The following CCDC192 variants were observed in gnomAD, a reference collection of about 807,000 sequenced individuals.
The protein encoded by CCDC192 is coiled-coil domain containing 192, also known as coiled-coil domain-containing protein 192.
chr5:127,729,688 A>G (rs1437172341), intron 2 of CCDC192, among the ~76,000 whole-genome samples: 1 of 152,196 alleles, frequency 6.6e-6, no homozygotes, highest in Non-Finnish European at 1.5e-5. Context: ...CCACAGCACA[A>G]TCAAATTAGA....
At chr5:127,850,187 C>T (rs957795678) in intron 5 of CCDC192, among the ~76,000 whole-genome samples, 12 of 151,924 alleles carry the variant, frequency 7.9e-5, no homozygotes, top group African/African-American at 2.7e-4. Context: ...TGTAGAGCCA[C>T]CAGGAACATC....
chr5:127,931,166 G>C (rs1348213539), intron 6 of CCDC192, among the ~76,000 whole-genome samples: 5 of 152,058 alleles, frequency 3.3e-5, no homozygotes, highest in Non-Finnish European at 7.4e-5. Context: ...CCAACCCAAA[G>C]TCCAATCTCT....
chr5:127,738,259 C>G (rs1332329174), intron 2 of CCDC192, among the ~76,000 whole-genome samples: 1 of 144,996 alleles, frequency 6.9e-6, no homozygotes, highest in African/African-American at 2.6e-5. Flanking sequence ...AATATTGGCC[C>G]CCACTCTCTT....
intron 6 of CCDC192, among the ~76,000 whole-genome samples, chr5:127,887,966 G>A (rs915413617): frequency 2.0e-5 from 3 of 151,966 alleles, no homozygotes; most frequent in East Asian, 1.9e-4. Context: ...GCCTCCCAAA[G>A]TGCTGGGATT....
intron 3 of CCDC192, among the ~76,000 whole-genome samples, chr5:127,770,589 T>G (rs970968522): frequency 1.4e-4 from 22 of 152,200 alleles, no homozygotes; most frequent in African/African-American, 5.3e-4. Flanking sequence ...GATTGTCCTG[T>G]TTTTCTGTAT....
At chr5:127,894,018 GC>G (rs1752801382) in intron 6 of CCDC192, among the ~76,000 whole-genome samples, 1 of 145,442 alleles carries the variant, frequency 6.9e-6, no homozygotes, top group Non-Finnish European at 1.5e-5. Context: ...AATTGCTTAA[GC>G]CTTTGCGGTT....
At chr5:127,918,988 T>C (rs1194898187) in intron 6 of CCDC192, among the ~76,000 whole-genome samples, 1 of 151,542 alleles carries the variant, frequency 6.6e-6, no homozygotes, top group Non-Finnish European at 1.5e-5. Context: ...TGTGTGTGCA[T>C]GTTTGTATAT....
intron 3 of CCDC192, among the ~76,000 whole-genome samples, chr5:127,769,897 G>T (rs183976624): frequency 8.2e-4 from 125 of 152,200 alleles, no homozygotes; most frequent in Admixed American, 2.6e-3. Flanking sequence ...CCCAGTTACT[G>T]GAAATTTTTT....
At chr5:127,852,813 G>A (rs961884453) in intron 5 of CCDC192, among the ~76,000 whole-genome samples, 1 of 152,078 alleles carries the variant, frequency 6.6e-6, no homozygotes, top group African/African-American at 2.4e-5. Flanking sequence ...TGCTATCCCT[G>A]GCCGGGTGCG....
intron 3 of CCDC192, chr5:127,786,621 T>A: frequency 1.3e-6 from 1 of 753,918 alleles, no homozygotes; most frequent in Non-Finnish European, 2.5e-6. Flanking sequence ...GTGAACCCAG[T>A]GTCTACTGAG....
intron 3 of CCDC192, among the ~76,000 whole-genome samples, chr5:127,781,217 A>G (rs1394862557): frequency 6.6e-6 from 1 of 151,922 alleles, no homozygotes; most frequent in Non-Finnish European, 1.5e-5. Flanking sequence ...GTACCATGCT[A>G]TTTTGGTGAC....
intron 6 of CCDC192, among the ~76,000 whole-genome samples, chr5:127,918,237 T>G (rs1214336709): frequency 3.3e-5 from 4 of 120,476 alleles, no homozygotes; most frequent in Middle Eastern, 4.0e-3. Flanking sequence ...AAAAAAAAAG[T>G]AGTATCTACA....
At chr5:127,819,800 G>A (rs550026248) in intron 5 of CCDC192, among the ~76,000 whole-genome samples, 1 of 152,270 alleles carries the variant, frequency 6.6e-6, no homozygotes, top group South Asian at 2.1e-4. Flanking sequence ...TCCAAGGTTA[G>A]AGAATCATCT....
At chr5:127,807,306 G>A (rs887434624) in intron 5 of CCDC192, among the ~76,000 whole-genome samples, 2 of 152,132 alleles carry the variant, frequency 1.3e-5, no homozygotes, top group Admixed American at 1.3e-4. Flanking sequence ...GACAATACTA[G>A]GAAGTTTATT....
rs1430154764 is a variant in CCDC192 at position 127,734,749 on chromosome 5, C to A, written c.115-19519C>A. 1.5e-4 allele frequency among the ~76,000 whole-genome samples: 22 copies of A among 150,158 alleles called. No individual in the cohort carries two copies. In the South Asian group the frequency reaches 2.6e-3, roughly 17 times the overall value. The stretch of plus-strand genomic sequence containing the variant: ...TCTTTTGAGAAGTGTCTGTTCATGT[C>A]CTTTGCCCACTTTTTGATGGGGTTG... On this transcript the variant is annotated intron_variant, in intron 2 of 6. Transcript: ENST00000514853.
chr5:127,798,551 GA>G (rs1482589824), intron 5 of CCDC192, among the ~76,000 whole-genome samples: 1 of 152,076 alleles, frequency 6.6e-6, no homozygotes, highest in African/African-American at 2.4e-5. Context: ...CTGTATGTAA[GA>G]ATCACCTGAT....
chr5:127,778,055 T>A (rs962164325), intron 3 of CCDC192, among the ~76,000 whole-genome samples: 1 of 152,140 alleles, frequency 6.6e-6, no homozygotes, highest in Non-Finnish European at 1.5e-5. Context: ...TAAAATAGAA[T>A]TATGTCATTT....
intron 3 of CCDC192, among the ~76,000 whole-genome samples, chr5:127,758,004 G>A (rs1045719986): frequency 1.3e-5 from 2 of 151,948 alleles, no homozygotes; most frequent in Admixed American, 6.6e-5. Flanking sequence ...GAGGTGGGGA[G>A]TGTGGAAGAC....
At chr5:127,921,238 G>T (rs1753712267) in intron 6 of CCDC192, among the ~76,000 whole-genome samples, 1 of 151,858 alleles carries the variant, frequency 6.6e-6, no homozygotes, top group East Asian at 1.9e-4. Context: ...GGAAGAAAGG[G>T]AAAGAAGGAA....
Sources: gnomAD v4.1 joint callset for allele counts (sites outside exome capture counted in the v4.1 genomes callset) on GRCh38, gnomAD v4.1.1 for gene constraint, MANE v1.5 for transcripts, NCBI Gene and HGNC (gene_info 2026-07-23, HGNC 2026-07-21) for gene names.